The following IL1RAPL2 variants were observed in gnomAD, a reference collection of about 807,000 sequenced individuals.
The protein encoded by IL1RAPL2 is interleukin 1 receptor accessory protein like 2.
IL1RAPL2 carries 3 observed loss-of-function variants against 44.1 expected under a neutral mutation model. The observed-to-expected ratio is 0.07, with a 90% CI of 0.03 to 0.18. IL1RAPL2 has a LOEUF of 0.18. Ranked by LOEUF, IL1RAPL2 falls within the 10% of genes least tolerant of loss-of-function variation. IL1RAPL2 has a pLI of 1.00. For missense variants in IL1RAPL2, 391 were observed against 496.4 expected (o/e 0.79, Z 2.02); for synonymous variants, 181 against 178.8 (o/e 1.01, Z -0.10).
intron 2 of IL1RAPL2, among the ~76,000 whole-genome samples, chrX:104,843,896 T>C (rs1921974779): frequency 9.0e-6 from 1 of 111,061 alleles, no homozygotes; most frequent in African/African-American, 3.3e-5. Context: ...GAGTTAGAGC[T>C]CCTTCTGATC....
intron 2 of IL1RAPL2, among the ~76,000 whole-genome samples, chrX:105,158,321 T>G (rs2033288976): frequency 9.0e-6 from 1 of 110,632 alleles, no homozygotes; most frequent in Non-Finnish European, 1.9e-5. Flanking sequence ...ATCGCGCCAC[T>G]GCACGCCAGC....
intron 5 of IL1RAPL2, among the ~76,000 whole-genome samples, chrX:105,351,473 C>A (rs904818157): frequency 4.5e-5 from 5 of 111,300 alleles, no homozygotes; most frequent in Non-Finnish European, 9.4e-5. Flanking sequence ...AGTTCATGTC[C>A]TTTGCAGGGA....
At chrX:105,029,559 T>C (rs1337907980) in intron 2 of IL1RAPL2, among the ~76,000 whole-genome samples, 1 of 108,156 alleles carries the variant, frequency 9.2e-6, no homozygotes, top group Non-Finnish European at 1.9e-5. Context: ...GTTTCATCCA[T>C]GTCCCTACAA....
At chrX:104,701,653 C>G (rs1931275050) in intron 2 of IL1RAPL2, among the ~76,000 whole-genome samples, 1 of 111,440 alleles carries the variant, frequency 9.0e-6, no homozygotes, top group African/African-American at 3.3e-5. Flanking sequence ...TCCAACGGAG[C>G]CATGAAGGTC....
chrX:104,784,476 T>C (rs1191587349), intron 2 of IL1RAPL2, among the ~76,000 whole-genome samples: 2 of 111,737 alleles, frequency 1.8e-5, no homozygotes, highest in Non-Finnish European at 3.8e-5. Flanking sequence ...ATTGCTAGTC[T>C]CCTCATTTGT....
At chrX:104,794,634 T>C (rs1328517327) in intron 2 of IL1RAPL2, among the ~76,000 whole-genome samples, 3 of 112,170 alleles carry the variant, frequency 2.7e-5, no homozygotes, top group African/African-American at 9.7e-5. Context: ...AGAACAGTTT[T>C]CAAAAGAACA....
intron 2 of IL1RAPL2, among the ~76,000 whole-genome samples, chrX:104,771,783 A>AG (rs1474206834): frequency 8.9e-6 from 1 of 111,805 alleles, no homozygotes; most frequent in Non-Finnish European, 1.9e-5. Flanking sequence ...AAGGGCCAGA[A>AG]GGGTGGTGAG....
At chrX:104,658,859 G>T (rs774053808) in intron 1 of IL1RAPL2, 36 bp from the exon 2 acceptor site, 1 of 944,977 alleles carries the variant, frequency 1.1e-6, no homozygotes, top group African/African-American at 1.9e-5. Flanking sequence ...CAAGATCTGT[G>T]GTTCAAACTT....
intron 2 of IL1RAPL2, among the ~76,000 whole-genome samples, chrX:104,909,887 C>T (rs760941416): frequency 1.8e-5 from 2 of 112,507 alleles, no homozygotes; most frequent in South Asian, 3.7e-4. Flanking sequence ...CCACCCAGTT[C>T]GAGCTTCCTG....
At chrX:105,253,832 A>G (rs1015949287) in intron 4 of IL1RAPL2, among the ~76,000 whole-genome samples, 1 of 111,881 alleles carries the variant, frequency 8.9e-6, no homozygotes, top group Admixed American at 9.5e-5. Context: ...TTAGTTTGCT[A>G]AGGACAATAG....
chrX:104,705,636 T>A (rs1222120408), intron 2 of IL1RAPL2, among the ~76,000 whole-genome samples: 1 of 111,683 alleles, frequency 9.0e-6, no homozygotes, highest in Non-Finnish European at 1.9e-5. Flanking sequence ...AGAGATAATT[T>A]GAGGCTGAGC....
intron 5 of IL1RAPL2, among the ~76,000 whole-genome samples, chrX:105,303,514 A>G (rs1466784389): frequency 8.9e-6 from 1 of 112,314 alleles, no homozygotes; most frequent in Non-Finnish European, 1.9e-5. Flanking sequence ...ATTACAAGAT[A>G]CACATAACAG....
At chrX:105,591,381 C>T (rs1012876362) in intron 6 of IL1RAPL2, among the ~76,000 whole-genome samples, 5 of 110,088 alleles carry the variant, frequency 4.5e-5, no homozygotes, top group African/African-American at 1.6e-4. Context: ...CTGGTGTCTT[C>T]GATTTTTTGT....
chrX:105,527,167 C>T (rs1321253000), intron 6 of IL1RAPL2, among the ~76,000 whole-genome samples: 1 of 110,975 alleles, frequency 9.0e-6, no homozygotes, highest in Non-Finnish European at 1.9e-5. Context: ...AACCACAATC[C>T]AAAAGACTAG....
chrX:105,600,312 C>A (rs1274188715), intron 6 of IL1RAPL2, among the ~76,000 whole-genome samples: 1 of 109,743 alleles, frequency 9.1e-6, no homozygotes, highest in East Asian at 2.9e-4. Context: ...AATTTAGCTA[C>A]TGAGAAGTAG....
intron 2 of IL1RAPL2, among the ~76,000 whole-genome samples, chrX:104,740,659 C>T (rs945955385): frequency 8.2e-5 from 9 of 110,397 alleles, no homozygotes; most frequent in African/African-American, 2.9e-4. Flanking sequence ...CGTTATTTAT[C>T]GGGGAAACTC....
At chrX:104,720,637 G>A (rs927634986) in intron 2 of IL1RAPL2, among the ~76,000 whole-genome samples, 1 of 111,707 alleles carries the variant, frequency 9.0e-6, no homozygotes, top group African/African-American at 3.2e-5. Flanking sequence ...GAAGGGCAAT[G>A]AAGATGTTTT....
intron 1 of IL1RAPL2, among the ~76,000 whole-genome samples, chrX:104,574,545 CTAAG>C (rs1189460251): frequency 8.9e-6 from 1 of 111,791 alleles, no homozygotes; most frequent in African/African-American, 3.2e-5. Flanking sequence ...AGCAATTTCA[CTAAG>C]TATTTATTCT....
chrX:104,976,708 C>T (rs755879230), intron 2 of IL1RAPL2, among the ~76,000 whole-genome samples: 51 of 110,099 alleles, frequency 4.6e-4, no homozygotes, highest in Non-Finnish European at 8.1e-4. Context: ...ACCAAATGCC[C>T]GAAACCTCAG....
Sources: gnomAD v4.1 joint callset for allele counts (sites outside exome capture counted in the v4.1 genomes callset) on GRCh38, gnomAD v4.1.1 for gene constraint, MANE v1.5 for transcripts, NCBI Gene and HGNC (gene_info 2026-07-23, HGNC 2026-07-21) for gene names.